The following SLC23A2 variants were observed in gnomAD, a reference collection of about 807,000 sequenced individuals.
The protein encoded by SLC23A2 is solute carrier family 23 member 2, also known as Na(+)/L-ascorbic acid transporter 2.
SLC23A2 carries 36 observed loss-of-function variants against 73.3 expected under a neutral mutation model. The ratio of observed to expected loss-of-function variants is 0.49; its 90% CI spans 0.38 to 0.65. The LOEUF is 0.65. Among genes scored for constraint, SLC23A2 ranks in the 30% least tolerant of loss-of-function variants. The probability of loss-of-function intolerance (pLI) is 0.00; values close to 1 mark genes in which losing one functional copy is unlikely to be tolerated. For missense variants in SLC23A2, 507 were observed against 841.6 expected (o/e 0.60, Z 4.92); for synonymous variants, 343 against 327.3 (o/e 1.05, Z -0.52).
chr20:4,875,962 C>T (rs1219970035), intron 9 of SLC23A2, among the ~76,000 whole-genome samples: 2 of 152,166 alleles, frequency 1.3e-5, no homozygotes, highest in East Asian at 3.8e-4. Context: ...GATGGCAGCC[C>T]GGCTGGAGAA....
At chr20:4,946,602 AAAGACTTAGTCCCAG>A (rs1241893599) in intron 2 of SLC23A2, among the ~76,000 whole-genome samples, 1 of 152,212 alleles carries the variant, frequency 6.6e-6, no homozygotes, top group African/African-American at 2.4e-5. Flanking sequence ...AGTCCAGCCC[AAAGACTTAGTCCCAG>A]AAGCTCTGGT....
chr20:4,888,219 G>C (rs1475962942), intron 6 of SLC23A2, among the ~76,000 whole-genome samples: 1 of 152,200 alleles, frequency 6.6e-6, no homozygotes, highest in Non-Finnish European at 1.5e-5. Flanking sequence ...GGTGCTACCT[G>C]TTCTGTAAGT....
intron 1 of SLC23A2, among the ~76,000 whole-genome samples, chr20:4,987,808 T>C (rs1338385005): frequency 2.7e-5 from 4 of 150,448 alleles, no homozygotes; most frequent in African/African-American, 9.8e-5. Context: ...ATCACGCCAC[T>C]GTGCTCCAGC....
intron 2 of SLC23A2, among the ~76,000 whole-genome samples, chr20:4,966,858 G>T (rs1176409851): frequency 8.1e-6 from 1 of 124,116 alleles, no homozygotes; most frequent in Admixed American, 7.9e-5. Flanking sequence ...ACACACACAG[G>T]CATGGCCATC....
intron 1 of SLC23A2, among the ~76,000 whole-genome samples, chr20:4,983,550 G>A (rs1026804147): frequency 2.6e-5 from 4 of 151,868 alleles, no homozygotes; most frequent in Non-Finnish European, 5.9e-5. Flanking sequence ...GGAGGCTGAG[G>A]CAGGAGAATG....
At chr20:4,993,963 G>A (rs888429717) in intron 1 of SLC23A2, among the ~76,000 whole-genome samples, 1 of 152,044 alleles carries the variant, frequency 6.6e-6, no homozygotes, top group East Asian at 1.9e-4. Context: ...AGTGGTACAT[G>A]CCTGTAGTCC....
intron 6 of SLC23A2, among the ~76,000 whole-genome samples, chr20:4,889,680 C>T (rs1278785099): frequency 6.6e-6 from 1 of 151,784 alleles, no homozygotes; most frequent in African/African-American, 2.4e-5. Flanking sequence ...TGTGCTGGTG[C>T]ACTCCCCACA....
chr20:4,935,186 C>CAAAAAAAAA (rs34200051), intron 2 of SLC23A2, among the ~76,000 whole-genome samples: 3 of 68,134 alleles, frequency 4.4e-5, no homozygotes, highest in Admixed American at 1.7e-4. Context: ...GACTCCGTCT[C>CAAAAAAAAA]AAAAAAAAAA....
rs1022580057 is a variant in SLC23A2, at chr20:4,977,382, T to A, written c.-281-6463A>T. Among the ~76,000 whole-genome samples, 12 of 152,218 alleles carry A rather than the reference T, an allele frequency of 7.9e-5. No homozygotes were observed. The East Asian group carries it at 9.7e-4, about 12-fold the overall frequency. On this transcript the variant is annotated intron_variant, in intron 1 of 16. Transcript: ENST00000338244. The stretch of plus-strand genomic sequence containing the variant: ...TTAATGAACACGTATTATTATTATT[T>A]TTTTTTAATAAAGACAAGCTCTCAA...
intron 1 of SLC23A2, among the ~76,000 whole-genome samples, chr20:4,997,125 C>T (rs2088036599): frequency 6.6e-6 from 1 of 152,148 alleles, no homozygotes; most frequent in African/African-American, 2.4e-5. Context: ...CTAGTCTCCC[C>T]TCAGCCCTGC....
intron 1 of SLC23A2, among the ~76,000 whole-genome samples, chr20:4,975,340 A>T (rs898430667): frequency 2.6e-5 from 4 of 152,164 alleles, no homozygotes; most frequent in Non-Finnish European, 5.9e-5. Flanking sequence ...AAAAGAAAGA[A>T]TATGACGTTA....
In SLC23A2 at chr20:4,868,162, C is replaced by T. The variant is rs1000741325; in HGVS notation, c.1251-287G>A. ...TGACGCGATCTTGGCTCACTGCAAC[C>T]TCCACCTCCTGGGTTCAAGAGATTC... On this transcript the variant is annotated intron_variant, in intron 12 of 16. Coordinates refer to ENST00000338244, the MANE Select transcript of SLC23A2 (RefSeq NM_005116.6). This position sits in a 1 kb window ranked among gnomAD's most constrained non-coding sequence, Gnocchi z 4.4. 9.9e-5 allele frequency among the ~76,000 whole-genome samples: 15 copies of T among 151,064 alleles called. 1 individual carries two copies. In the South Asian group the frequency reaches 3.1e-3, roughly 32 times the overall value.
chr20:4,938,492 C>T (rs375336880), intron 2 of SLC23A2, among the ~76,000 whole-genome samples: 20 of 152,140 alleles, frequency 1.3e-4, no homozygotes, highest in African/African-American at 3.4e-4. Context: ...GCATGCGCCA[C>T]CATGCCCAGC....
rs1931652937 is a variant in SLC23A2 at position 4,899,130 on chromosome 20, G to A, written c.482+425C>T. On this transcript the variant is annotated intron_variant, in intron 6 of 16. Transcript: ENST00000338244. This position sits in a 1 kb window ranked among gnomAD's most constrained non-coding sequence, Gnocchi z 4.9. ...GGAGAGCTGCAGTGTGGCTCACCCT[G>A]AGGAGGGTGTGGAAGTAGAAAGATG... Among the ~76,000 whole-genome samples, 1 of 152,212 alleles carries A rather than the reference G, an allele frequency of 6.6e-6. No individual in the cohort carries two copies. The highest frequency in any genetic ancestry group is 1.5e-5 in the Non-Finnish European group (1 of 68,034).
In SLC23A2 at chr20:4,970,819, A is replaced by G. The variant is rs1453530188; in HGVS notation, c.-181T>C. 6.6e-6 allele frequency: 1 copy of G among 152,250 alleles called. No individual in the cohort carries two copies. Among genetic ancestry groups the G allele is most frequent in the African/African-American group, 2.4e-5 (1 of 41,464 alleles). 9.4% of individuals were successfully genotyped at this position (152,250 alleles called of 1,614,324 possible). ...TAAGTGATGTGGCGTAGACCTGTCC[A>G]TATGCTTTCCATTACAATTCGCTGA... is the stretch of plus-strand genomic sequence containing the variant. On this transcript the variant is annotated 5_prime_UTR_variant, in exon 2 of 17. The change abolishes an upstream ATG in the 5' untranslated region. Coordinates refer to ENST00000338244, the MANE Select transcript of SLC23A2 (RefSeq NM_005116.6).
rs1468437318 is a variant in SLC23A2 at position 4,947,937 on chromosome 20, C to T, written c.-154-15221G>A. 1.3e-5 allele frequency among the ~76,000 whole-genome samples: 2 copies of T among 152,358 alleles called. No homozygotes were observed. Among genetic ancestry groups the T allele is most frequent in the African/African-American group, 4.8e-5 (2 of 41,580 alleles). ...GTCATTTGATGCTCCCCCTGGCTCA[C>T]CCAATACAAAAATCTTGGGAGCCTG... On this transcript the variant is annotated intron_variant, in intron 2 of 16. Transcript: ENST00000338244. This position sits in a 1 kb window ranked among gnomAD's most constrained non-coding sequence, Gnocchi z 4.4.
chr20:5,001,370 C>G (rs953623742), intron 1 of SLC23A2, 36 bp downstream of exon 1: 2 of 146,700 alleles, frequency 1.4e-5, no homozygotes, highest in Non-Finnish European at 3.0e-5. Context: ...GTGCGGCCCG[C>G]AGGCCGGGCA....
At chr20:4,913,410 C>T (rs1932223634) in intron 3 of SLC23A2, among the ~76,000 whole-genome samples, 1 of 152,198 alleles carries the variant, frequency 6.6e-6, no homozygotes, top group Non-Finnish European at 1.5e-5. Context: ...CTGGAGAACA[C>T]TCCTCGGTAA....
chr20:4,976,537 G>A (rs568823959), intron 1 of SLC23A2, among the ~76,000 whole-genome samples: 14 of 152,010 alleles, frequency 9.2e-5, no homozygotes, highest in Non-Finnish European at 1.3e-4. Context: ...TTAGCTGGGC[G>A]TGGTGGCATG....
Sources: allele counts gnomAD v4.1 joint callset (sites outside exome capture counted in the v4.1 genomes callset), GRCh38; gene constraint gnomAD v4.1.1; non-coding constraint Gnocchi (gnomAD v3.1); transcripts MANE v1.5; gene names NCBI Gene and HGNC (gene_info 2026-07-23, HGNC 2026-07-21).